RARB: variants seen among roughly 807,000 people sequenced by gnomAD.
RARB encodes the protein retinoic acid receptor beta, also known as HBV-activated protein.
Under a neutral mutation model 51.9 loss-of-function variants are expected in RARB, and 17 were observed. The ratio of observed to expected loss-of-function variants is 0.33; its 90% CI spans 0.22 to 0.49. The LOEUF (loss-of-function observed/expected upper bound fraction) is 0.49, where lower values mean the gene tolerates loss of function less well. Among genes scored for constraint, RARB ranks in the 20% least tolerant of loss-of-function variants. The probability of loss-of-function intolerance (pLI) is 0.99; values close to 1 mark genes in which losing one functional copy is unlikely to be tolerated. For missense variants in RARB, 369 were observed against 550.8 expected (o/e 0.67, Z 3.30); for synonymous variants, 215 against 195.4 (o/e 1.10, Z -0.84).
intron 5 of RARB, among the ~76,000 whole-genome samples, chr3:25,222,211 T>A (rs988954466): frequency 1.3e-5 from 2 of 152,184 alleles, no homozygotes; most frequent in Non-Finnish European, 1.5e-5. Flanking sequence ...ATATGATGAC[T>A]GCAACCTAAG....
intron 5 of RARB, among the ~76,000 whole-genome samples, chr3:25,394,758 T>C (rs911366323): frequency 2.0e-5 from 3 of 152,182 alleles, no homozygotes; most frequent in Admixed American, 2.0e-4. Context: ...GGAATATCTT[T>C]TTCCACCCCT....
At chr3:25,285,219 T>C (rs1261751404) in intron 5 of RARB, among the ~76,000 whole-genome samples, 1 of 152,186 alleles carries the variant, frequency 6.6e-6, no homozygotes, top group African/African-American at 2.4e-5. Context: ...TGACCCATAC[T>C]GAGGTAGAGT....
chr3:25,325,991 C>T (rs1462521213), intron 5 of RARB, among the ~76,000 whole-genome samples: 3 of 152,148 alleles, frequency 2.0e-5, no homozygotes, highest in African/African-American at 7.2e-5. Flanking sequence ...CATCCCCTAT[C>T]ATCACCTACC....
intron 5 of RARB, among the ~76,000 whole-genome samples, chr3:25,422,506 G>A (rs1246301389): frequency 6.6e-6 from 1 of 152,122 alleles, no homozygotes; most frequent in East Asian, 1.9e-4. Context: ...GACTGAGGTG[G>A]GGTGTTCGTG....
chr3:25,543,916 A>G (rs1057263734), intron 3 of RARB, among the ~76,000 whole-genome samples: 1 of 152,200 alleles, frequency 6.6e-6, no homozygotes. Flanking sequence ...AATCCTTTAT[A>G]ATCCCTTTCT....
At chr3:25,174,450 C>G (rs996798635) in exon 5 of RARB, 7 of 1,352,140 alleles carry the variant, frequency 5.2e-6, no homozygotes, top group Non-Finnish European at 6.9e-6. Flanking sequence ...GGACACATGA[C>G]TCACTATCCA....
At chr3:25,394,660 T>C (rs1707067317) in intron 5 of RARB, among the ~76,000 whole-genome samples, 1 of 152,216 alleles carries the variant, frequency 6.6e-6, no homozygotes, top group Non-Finnish European at 1.5e-5. Context: ...AATGCCTCTC[T>C]TTGTGTTTTT....
At chr3:25,236,834 G>A (rs911202224) in intron 5 of RARB, among the ~76,000 whole-genome samples, 2 of 151,708 alleles carry the variant, frequency 1.3e-5, no homozygotes, top group African/African-American at 2.4e-5. Flanking sequence ...TTGAATGTAA[G>A]TATTATTTAT....
At chr3:25,134,437 C>A (rs1699998930) in intron 4 of RARB, among the ~76,000 whole-genome samples, 1 of 151,694 alleles carries the variant, frequency 6.6e-6, no homozygotes, top group Non-Finnish European at 1.5e-5. Flanking sequence ...TTAAGTAAAC[C>A]TTTTCTGGGG....
At chr3:25,142,476 C>T (rs78796443) in intron 4 of RARB, among the ~76,000 whole-genome samples, 3,580 of 152,256 alleles carry the variant, frequency 0.024, 156 homozygotes, top group African/African-American at 0.081. Flanking sequence ...TAAGCTACAC[C>T]CTATACTGCT....
At chr3:25,434,475 A>T (rs1708340592) in intron 1 of RARB, among the ~76,000 whole-genome samples, 1 of 151,412 alleles carries the variant, frequency 6.6e-6, no homozygotes, top group African/African-American at 2.4e-5. Context: ...CCAACTCTCC[A>T]TATAGAACAA....
chr3:25,569,318 C>T (rs1700620409), intron 3 of RARB, among the ~76,000 whole-genome samples: 1 of 152,176 alleles, frequency 6.6e-6, no homozygotes, highest in South Asian at 2.1e-4. Context: ...AGCAAAGACA[C>T]CAAAATGTGT....
intron 5 of RARB, among the ~76,000 whole-genome samples, chr3:25,342,272 A>T (rs957248329): frequency 1.3e-5 from 2 of 152,224 alleles, no homozygotes; most frequent in Admixed American, 1.3e-4. Flanking sequence ...AATAAACTCT[A>T]TGTATAACAT....
chr3:25,575,164 G>A (rs1700874929), intron 4 of RARB, among the ~76,000 whole-genome samples: 1 of 152,122 alleles, frequency 6.6e-6, no homozygotes, highest in Admixed American at 6.5e-5. Flanking sequence ...CCTCGCATGC[G>A]CACTTTGCAG....
At chr3:25,419,624 G>C (rs537565999) in intron 5 of RARB, among the ~76,000 whole-genome samples, 1 of 152,268 alleles carries the variant, frequency 6.6e-6, no homozygotes, top group South Asian at 2.1e-4. Flanking sequence ...AAAACCCGAG[G>C]ACCTTGATTT....
At chr3:25,041,993 A>G (rs1273750170) in intron 2 of RARB, among the ~76,000 whole-genome samples, 2 of 152,258 alleles carry the variant, frequency 1.3e-5, no homozygotes, top group African/African-American at 4.8e-5. Flanking sequence ...GGTGCAAACA[A>G]TCAATGAGAG....
At chr3:25,184,932 A>T (rs1480741769) in intron 5 of RARB, among the ~76,000 whole-genome samples, 2 of 152,152 alleles carry the variant, frequency 1.3e-5, no homozygotes, top group African/African-American at 4.8e-5. Context: ...CTTAGTAAAT[A>T]ATAGCATTCA....
intron 5 of RARB, among the ~76,000 whole-genome samples, chr3:25,249,068 A>T: frequency 6.6e-6 from 1 of 152,140 alleles, no homozygotes; most frequent in East Asian, 1.9e-4. Flanking sequence ...GACACTGGAA[A>T]TTCAAATATT....
rs1033230856 is a variant in RARB at position 24,891,984 on chromosome 3, G to C, written c.-380+33232G>C. ...TTACCAAAGGAGATGGTTGGCATGT[G>C]AGACTAGAGGACTGCAGAGAATACG... is the stretch of plus-strand genomic sequence containing the variant. On this transcript the variant is annotated intron_variant, in intron 2 of 11. Transcript: ENST00000383772. Among the ~76,000 whole-genome samples, 4 of 152,142 alleles carry C rather than the reference G, an allele frequency of 2.6e-5. No homozygotes were observed. In the East Asian group the frequency reaches 7.8e-4, roughly 29 times the overall value.
Sources: allele counts gnomAD v4.1 joint callset (sites outside exome capture counted in the v4.1 genomes callset), GRCh38; gene constraint gnomAD v4.1.1; transcripts MANE v1.5; gene names NCBI Gene and HGNC (gene_info 2026-07-23, HGNC 2026-07-21).